The following EIF3J variants were observed in gnomAD, a reference collection of about 807,000 sequenced individuals.
The protein encoded by EIF3J is eukaryotic translation initiation factor 3, subunit 1 (alpha, 35kD).
In EIF3J, 15 loss-of-function variants were observed where a neutral mutation model predicts 39.0. The observed-to-expected ratio is 0.38, with a 90% CI of 0.26 to 0.59. EIF3J has a LOEUF of 0.59. EIF3J is among the 20% of genes least tolerant of loss of function. The pLI is 0.60. For synonymous variants in EIF3J, 98 were observed against 112.9 expected (o/e 0.87, Z 0.84); for missense variants, 226 against 308.6 (o/e 0.73, Z 2.00).
At position 44,557,760 on chromosome 15, in the gene EIF3J, G is replaced by T. The variant is rs923784570; in HGVS notation, c.571+110G>T. On this transcript the variant is annotated intron_variant, in intron 6 of 7. Coordinates refer to ENST00000261868, the MANE Select transcript of EIF3J (RefSeq NM_003758.4). ...CAAGGATACTATAATACAGACTCAT[G>T]ATTTGCTGTTTTTAGCAATTACCTT... 7 of 803,800 alleles carry T rather than the reference G, an allele frequency of 8.7e-6. No individual in the cohort carries two copies. The African/African-American group carries it at 1.2e-4, about 14-fold the overall frequency. 49.8% of individuals were successfully genotyped at this position (803,800 alleles called of 1,614,324 possible).
intron 2 of EIF3J, among the ~76,000 whole-genome samples, chr15:44,549,935 G>A (rs1269652677): frequency 6.6e-6 from 1 of 151,494 alleles, no homozygotes; most frequent in African/African-American, 2.4e-5. Flanking sequence ...ACTCCAGCCT[G>A]GGCAAGAAAC....
intron 2 of EIF3J, among the ~76,000 whole-genome samples, chr15:44,547,487 T>C (rs1224108886): frequency 6.9e-6 from 1 of 145,146 alleles, no homozygotes; most frequent in East Asian, 2.1e-4. Flanking sequence ...CGCCGCACTG[T>C]CACCTGGGCT....
rs761141585 is a variant in EIF3J at position 44,538,099 on chromosome 15, A to G, written c.147+672A>G. ...GAAATGGAGAGACGACAGTTACTCA[A>G]CTACACACATACGACACCTAAGGAA... On this transcript the variant is annotated intron_variant, in intron 2 of 7. Coordinates refer to ENST00000261868, the MANE Select transcript of EIF3J (RefSeq NM_003758.4). 3.9e-5 allele frequency among the ~76,000 whole-genome samples: 6 copies of G among 152,214 alleles called. No individual in the cohort carries two copies. In the East Asian group the frequency reaches 9.7e-4, roughly 25 times the overall value.
At chr15:44,542,745 A>C (rs1400066137) in intron 2 of EIF3J, among the ~76,000 whole-genome samples, 1 of 152,248 alleles carries the variant, frequency 6.6e-6, no homozygotes, top group African/African-American at 2.4e-5. Flanking sequence ...GTGTATCTGC[A>C]GGGCAAGAGT....
At chr15:44,549,875 G>A (rs1016587542) in intron 2 of EIF3J, among the ~76,000 whole-genome samples, 2 of 149,904 alleles carry the variant, frequency 1.3e-5, no homozygotes, top group African/African-American at 2.5e-5. Context: ...CAGGAGAATC[G>A]CTTGAACCTA....
rs1824856476 is a variant in EIF3J at position 44,561,167 on chromosome 15, G to A, written c.*18G>A. On this transcript the variant is annotated 3_prime_UTR_variant, in exon 8 of 8. Coordinates refer to ENST00000261868, the MANE Select transcript of EIF3J (RefSeq NM_003758.4). ...TCATGTGACATTTTATCTTTTCTTG[G>A]TGTCATCTTTATGTTGCCCACAATC... 6.2e-7 allele frequency: 1 copy of A among 1,604,232 alleles called. No individual in the cohort carries two copies. Among genetic ancestry groups the A allele is most frequent in the Non-Finnish European group, 8.5e-7 (1 of 1,177,194 alleles).
chr15:44,543,170 A>G (rs2082026143), intron 2 of EIF3J, among the ~76,000 whole-genome samples: 1 of 152,182 alleles, frequency 6.6e-6, no homozygotes, highest in African/African-American at 2.4e-5. Flanking sequence ...CAAAAACTCT[A>G]ACTTCCTGGG....
At chr15:44,553,190 CAAAA>C (rs1189107657) in intron 4 of EIF3J, among the ~76,000 whole-genome samples, 1 of 131,612 alleles carries the variant, frequency 7.6e-6, no homozygotes, top group Non-Finnish European at 1.6e-5. Context: ...TGCCTCAAAA[CAAAA>C]AAAAAAAGAA....
At position 44,551,648 on chromosome 15, in the gene EIF3J, G is replaced by C. The variant is rs192917288; in HGVS notation, c.294+126G>C. ...ACTGTAAATGGATACCATAAGATAGGTAAAATCCAAAACAAATTGATTTGT... is the reference window on the plus strand; with the variant it reads ...ACTGTAAATGGATACCATAAGATAGCTAAAATCCAAAACAAATTGATTTGT... On this transcript the variant is annotated intron_variant, in intron 4 of 7. Transcript: ENST00000261868. 9 of 664,580 alleles carry C rather than the reference G, an allele frequency of 1.4e-5. No individual in the cohort carries two copies. In the African/African-American group the frequency reaches 1.5e-4, roughly 11 times the overall value. 41.2% of individuals were successfully genotyped at this position (664,580 alleles called of 1,614,324 possible). A position where few individuals can be genotyped will look rare whatever the true frequency, so the allele number is the denominator to read the frequency against.
intron 2 of EIF3J, 40 bp downstream of exon 2, chr15:44,537,467 C>T (rs2140886607): frequency 6.8e-7 from 1 of 1,467,738 alleles, no homozygotes; most frequent in Admixed American, 2.6e-5. Context: ...CGGAAGCGGG[C>T]TGGCGCTGTT....
chr15:44,551,273 A>G (rs1451695243), intron 3 of EIF3J, among the ~76,000 whole-genome samples, 158 bp from the exon 4 acceptor site: 2 of 152,204 alleles, frequency 1.3e-5, no homozygotes, highest in East Asian at 3.8e-4. Context: ...AGAGAGGAGA[A>G]GGAAGAGTCC....
chr15:44,544,100 T>TTG (rs946634156), intron 2 of EIF3J, among the ~76,000 whole-genome samples: 2 of 145,940 alleles, frequency 1.4e-5, no homozygotes, highest in African/African-American at 5.0e-5. Context: ...TTTCTTTTCT[T>TTG]TTTTTTTTTT....
rs1346454829 is a variant in EIF3J, at chr15:44,537,219, G to C, written c.25G>C (p.Gly9Arg). 6.2e-7 allele frequency: 1 copy of C among 1,601,812 alleles called. No homozygotes were observed. The highest frequency in any genetic ancestry group is 1.3e-5 in the African/African-American group (1 of 74,406). ...GATGGCGGCGGCGGCGGCGGCGGCG[G>C]GGGACTCGGACTCCTGGGGTGAGGA... is the stretch of plus-strand genomic sequence containing the variant. MAAAAAAA[G>R]DSDSWDADAF... The change falls in exon 1 of 8, where the codon GGG becomes CGG. Residue 9 changes from glycine to arginine, a missense_variant. This residue lies in a region of EIF3J where 143 missense variants were observed against 156.0 expected (regional missense o/e 0.92). Transcript: ENST00000261868.
chr15:44,537,288 G>C, intron 1 of EIF3J, 36 bp from the exon 2 acceptor site: 1 of 1,564,680 alleles, frequency 6.4e-7, no homozygotes, highest in Non-Finnish European at 8.7e-7. Context: ...GCCCCACGCA[G>C]TGGCAGGCAC....
intron 4 of EIF3J, 126 bp downstream of exon 4, chr15:44,551,648 G>A: frequency 1.5e-6 from 1 of 664,580 alleles, no homozygotes; most frequent in East Asian, 3.2e-5. Context: ...CATAAGATAG[G>A]TAAAATCCAA....
At chr15:44,551,396 C>T (rs781389528) in intron 3 of EIF3J, 35 bp from the exon 4 acceptor site, 2 of 1,356,264 alleles carry the variant, frequency 1.5e-6, no homozygotes, top group South Asian at 1.3e-5. Context: ...GGAAAATACT[C>T]AGTATAACTG....
rs1263035366 is a variant in EIF3J at position 44,561,448 on chromosome 15, G to C, written c.*299G>C. 4.2e-6 allele frequency: 1 copy of C among 235,788 alleles called. No homozygotes were observed. The highest frequency in any genetic ancestry group is 8.5e-6 in the Non-Finnish European group (1 of 118,010). 14.6% of individuals were successfully genotyped at this position (235,788 alleles called of 1,614,324 possible). A position where few individuals can be genotyped will look rare whatever the true frequency, so the allele number is the denominator to read the frequency against. ...AGCAGTCACTAAATTGGAAACAAAA[G>C]GTTGCAACGTGACAAAAAAAATTGT... On this transcript the variant is annotated 3_prime_UTR_variant, in exon 8 of 8. Transcript: ENST00000261868.
At chr15:44,560,515 G>GTTAA in intron 7 of EIF3J, 193 bp downstream of exon 7, 1 of 532,324 alleles carries the variant, frequency 1.9e-6, no homozygotes, top group Non-Finnish European at 3.2e-6. Context: ...CCTTTTCTGA[G>GTTAA]TTAATAGAAA....
chr15:44,554,472 A>C (rs2082128415), intron 4 of EIF3J, 81 bp from the exon 5 acceptor site: 1 of 635,222 alleles, frequency 1.6e-6, no homozygotes, highest in African/African-American at 1.9e-5. Flanking sequence ...ATATACGCTT[A>C]TTTAAGAATT....
Sources: gnomAD v4.1 joint callset for allele counts (sites outside exome capture counted in the v4.1 genomes callset) on GRCh38, gnomAD v4.1.1 for gene constraint, gnomAD v4.1.1 regional missense constraint, MANE v1.5 for transcripts, NCBI Gene and HGNC (gene_info 2026-07-23, HGNC 2026-07-21) for gene names.